GNGT2: variants seen among roughly 807,000 people sequenced by gnomAD.
GNGT2 encodes the protein guanine nucleotide-binding protein G(I)/G(S)/G(O) subunit gamma-T2.
In GNGT2, 4 loss-of-function variants were observed where a neutral mutation model predicts 3.5. That is an observed-to-expected ratio of 1.13 (90% confidence interval 0.56 to 2.59). The LOEUF is 2.59. Ranked by LOEUF, GNGT2 falls within the 30% of genes most tolerant of loss-of-function variation. The probability of loss-of-function intolerance (pLI) is 0.02; values close to 1 mark genes in which losing one functional copy is unlikely to be tolerated. For synonymous variants in GNGT2, 31 were observed against 29.5 expected (o/e 1.05, Z -0.17); for missense variants, 64 against 81.2 (o/e 0.79, Z 0.82).
At chr17:49,207,030 G>A in intron 3 of GNGT2, 148 bp from the exon 4 acceptor site, 1 of 847,410 alleles carries the variant, frequency 1.2e-6, no homozygotes, top group Non-Finnish European at 1.9e-6. Context: ...GTTCGGGGGT[G>A]TGAGTTCCTT....
Position 49,207,447 on chromosome 17 carries a change from G to A in GNGT2, c.-22-3C>T. ...TCCTGCCCTAGACAGACCTGATCCT[G>A]GAAAGGATTCAGCAGCCAGGATCAT... On this transcript the variant is annotated splice_region_variant and splice_polypyrimidine_tract_variant and intron_variant, in intron 2 of 3. Transcript: ENST00000507680. The A allele has an allele frequency of 6.6e-7, 1 of 1,515,952 alleles. No individual in the cohort carries two copies. The highest frequency in any genetic ancestry group is 9.2e-7 in the Non-Finnish European group (1 of 1,090,482). 93.9% of individuals were successfully genotyped at this position (1,515,952 alleles called of 1,614,324 possible). A position where few individuals can be genotyped will look rare whatever the true frequency, so the allele number is the denominator to read the frequency against.
chr17:49,207,648 G>C (rs564214890), intron 2 of GNGT2, among the ~76,000 whole-genome samples: 1 of 152,284 alleles, frequency 6.6e-6, no homozygotes, highest in South Asian at 2.1e-4. Context: ...GATGGGGGAG[G>C]CACCATTTTT....
intron 3 of GNGT2, 81 bp downstream of exon 3, chr17:49,207,258 C>T (rs1163228692): frequency 9.7e-7 from 1 of 1,027,796 alleles, no homozygotes; most frequent in Non-Finnish European, 1.5e-6. Flanking sequence ...ACAGTCCCAC[C>T]ACCCTTTCTG....
chr17:49,207,362 CT>C lies in GNGT2; in HGVS notation c.60del (p.Glu21LysfsTer2), dbSNP rs1174911239. The part of the protein sequence containing the change: ...LLKMEVEQLK[K>X]EVKNTRIPIS... Reference sequence around the variant, plus strand: ...ACCGGAATTCTTGTGTTTTTCACTTCTTTCTTCAGCTGCTCCACCTCCATCT... The same window carrying C: ...ACCGGAATTCTTGTGTTTTTCACTTCTTCTTCAGCTGCTCCACCTCCATCT... On this transcript the variant is annotated frameshift_variant, in exon 3 of 4. Coordinates refer to ENST00000507680, the MANE Select transcript of GNGT2 (RefSeq NM_001198754.2). LOFTEE classifies it low-confidence loss of function (END_TRUNC). The C allele has an allele frequency of 1.2e-6, 2 of 1,613,532 alleles. No homozygotes were observed. Among genetic ancestry groups the C allele is most frequent in the Non-Finnish European group, 1.7e-6 (2 of 1,179,550 alleles).
chr17:49,206,956 A>G (rs2043112276), intron 3 of GNGT2, 74 bp from the exon 4 acceptor site: 1 of 1,535,328 alleles, frequency 6.5e-7, no homozygotes, highest in African/African-American at 1.4e-5. Context: ...TGCCAGAAAA[A>G]CAGGCTTCTG....
At chr17:49,209,681 T>C (rs1042838002) in intron 1 of GNGT2, among the ~76,000 whole-genome samples, 1 of 151,920 alleles carries the variant, frequency 6.6e-6, no homozygotes, top group African/African-American at 2.4e-5. Context: ...CAATGGGAGG[T>C]CCTCTTATTC....
In GNGT2 at chr17:49,207,425, T is replaced by A. The variant is rs56203218; in HGVS notation, c.-3A>T. 15,194 of 1,601,438 alleles carry A rather than the reference T, an allele frequency of 9.5e-3. 98 individuals carry two copies. Among genetic ancestry groups the A allele is most frequent in the Non-Finnish European group, 0.011 (12,880 of 1,168,428 alleles). ...TTCTCGCTGAGATCCTGGGCCATCC[T>A]GCCCTAGACAGACCTGATCCTGGAA... On this transcript the variant is annotated 5_prime_UTR_variant, in exon 3 of 4. Transcript: ENST00000507680.
rs1357703636 is a variant in GNGT2, at chr17:49,206,528, T to C, written c.*229A>G. 22 of 500,794 alleles carry C rather than the reference T, an allele frequency of 4.4e-5. No individual in the cohort carries two copies. The Admixed American group carries it at 7.7e-4, about 18-fold the overall frequency. 31.0% of individuals were successfully genotyped at this position (500,794 alleles called of 1,614,324 possible). On this transcript the variant is annotated 3_prime_UTR_variant, in exon 4 of 4. Coordinates refer to ENST00000507680, the MANE Select transcript of GNGT2 (RefSeq NM_001198754.2). ...GGGCCAACCGCTCGGCCAGCCACAC[T>C]GTCCTCAGAGTGTTCCCAGCAAGGT... is the stretch of plus-strand genomic sequence containing the variant.
At chr17:49,209,741 C>T (rs915414020) in intron 1 of GNGT2, among the ~76,000 whole-genome samples, 10 of 152,110 alleles carry the variant, frequency 6.6e-5, no homozygotes, top group Non-Finnish European at 1.2e-4. Context: ...AGAGAGGAGG[C>T]CCGCCGTCCA....
chr17:49,210,522 G>T lies in GNGT2; in HGVS notation c.-211C>A. 1 of 504,720 alleles carries T rather than the reference G, an allele frequency of 2.0e-6. No homozygotes were observed. The highest frequency in any genetic ancestry group is 3.6e-6 in the Non-Finnish European group (1 of 280,628). 31.3% of individuals were successfully genotyped at this position (504,720 alleles called of 1,614,324 possible). On this transcript the variant is annotated 5_prime_UTR_variant, in exon 1 of 4. Coordinates refer to ENST00000507680, the MANE Select transcript of GNGT2 (RefSeq NM_001198754.2). This position sits in a 1 kb window ranked among gnomAD's most constrained non-coding sequence, Gnocchi z 4.2. ...GGCTTCCCCCTTCCTCTGGGCAGGGGACAGAGAGACACAGGCTCGGGGAGC... is the reference window on the plus strand; with the variant it reads ...GGCTTCCCCCTTCCTCTGGGCAGGGTACAGAGAGACACAGGCTCGGGGAGC...
chr17:49,206,726 G>A lies in GNGT2; in HGVS notation c.*31C>T, dbSNP rs1249602458. 3.1e-6 allele frequency: 5 copies of A among 1,597,066 alleles called. No individual in the cohort carries two copies. The highest frequency in any genetic ancestry group is 4.5e-5 in the East Asian group (2 of 44,576). Reference sequence around the variant, plus strand: ...AGGAGACTTGGGCTTGGCTGAAGAGGGACAGACACTCAGGGCAGGGCTCCA... The same window carrying A: ...AGGAGACTTGGGCTTGGCTGAAGAGAGACAGACACTCAGGGCAGGGCTCCA... On this transcript the variant is annotated 3_prime_UTR_variant, in exon 4 of 4. Transcript: ENST00000507680.
At chr17:49,209,053 A>G (rs1047768275) in intron 1 of GNGT2, 99 bp from the exon 2 acceptor site, 1 of 152,404 alleles carries the variant, frequency 6.6e-6, no homozygotes, top group African/African-American at 2.4e-5. Flanking sequence ...AGCAGAGCAG[A>G]GAGACAGACA....
At chr17:49,208,403 G>A (rs1274605473) in intron 2 of GNGT2, among the ~76,000 whole-genome samples, 2 of 151,292 alleles carry the variant, frequency 1.3e-5, no homozygotes, top group East Asian at 3.9e-4. Flanking sequence ...GGAGGTTGCA[G>A]TGAGCCGAGA....
At position 49,207,340 on chromosome 17, in the gene GNGT2, G is replaced by A. The variant is rs139070501; in HGVS notation, c.83C>T (p.Pro28Leu). 7.3e-5 allele frequency: 117 copies of A among 1,607,380 alleles called. No individual in the cohort carries two copies. The highest frequency in any genetic ancestry group is 1.5e-4 in the African/African-American group (11 of 74,782). Reference sequence around the variant, plus strand: ...CAGGGACGGGGCGAGGAGGCTCACCGGAATTCTTGTGTTTTTCACTTCTTT... The same window carrying A: ...CAGGGACGGGGCGAGGAGGCTCACCAGAATTCTTGTGTTTTTCACTTCTTT... ...LKKEVKNTRI[P>L]ISKAGKEIKE... The change falls in exon 3 of 4, where the codon CCG becomes CTG. Residue 28 changes from proline (P) to leucine (L), a missense_variant and splice_region_variant. Coordinates refer to ENST00000507680, the MANE Select transcript of GNGT2 (RefSeq NM_001198754.2).
chr17:49,206,666 GAGA>G lies in GNGT2; in HGVS notation c.*88_*90del. ...GGATCTTTACTCATTCTGTGATGAA[GAGA>G]AGGTGACAGTTCACTGGCTCCCTGG... On this transcript the variant is annotated 3_prime_UTR_variant, in exon 4 of 4. Coordinates refer to ENST00000507680, the MANE Select transcript of GNGT2 (RefSeq NM_001198754.2). 1.7e-6 allele frequency: 2 copies of G among 1,163,758 alleles called. No individual in the cohort carries two copies. The highest frequency in any genetic ancestry group is 2.5e-6 in the Non-Finnish European group (2 of 808,608). The allele number at this position is 1,163,758 out of a possible 1,614,324, so 72.1% of individuals were successfully genotyped here.
At position 49,210,509 on chromosome 17, in the gene GNGT2, C is replaced by A. The variant is rs1315210602; in HGVS notation, c.-198G>T. The A allele has an allele frequency of 4.5e-6, 2 of 449,080 alleles. No homozygotes were observed. Among genetic ancestry groups the A allele is most frequent in the Non-Finnish European group, 8.0e-6 (2 of 250,946 alleles). 27.8% of individuals were successfully genotyped at this position (449,080 alleles called of 1,614,324 possible). ...CAAATGGGCCCCTGGCTTCCCCCTTCCTCTGGGCAGGGGACAGAGAGACAC... is the reference window on the plus strand; with the variant it reads ...CAAATGGGCCCCTGGCTTCCCCCTTACTCTGGGCAGGGGACAGAGAGACAC... On this transcript the variant is annotated 5_prime_UTR_variant, in exon 1 of 4. Coordinates refer to ENST00000507680, the MANE Select transcript of GNGT2 (RefSeq NM_001198754.2). The surrounding 1 kb of genome is among the most constrained non-coding windows in gnomAD (Gnocchi z 4.2).
Position 49,206,316 on chromosome 17 carries a change from G to C in GNGT2, c.*441C>G, listed in dbSNP as rs980608620. 3.5e-5 allele frequency: 6 copies of C among 171,040 alleles called. No homozygotes were observed. Among genetic ancestry groups the C allele is most frequent in the African/African-American group, 1.4e-4 (6 of 41,614 alleles). The allele number at this position is 171,040 out of a possible 1,614,324, so 10.6% of individuals were successfully genotyped here. On this transcript the variant is annotated 3_prime_UTR_variant, in exon 4 of 4. Transcript: ENST00000507680. ...GGAACAGGACCATAGGGTAGGACAT[G>C]ATATGGAGGGACAGGACCACCCAAC...
chr17:49,207,919 A>C (rs2043120538), intron 2 of GNGT2, among the ~76,000 whole-genome samples: 1 of 152,144 alleles, frequency 6.6e-6, no homozygotes, highest in African/African-American at 2.4e-5. Flanking sequence ...TAATCCCAGC[A>C]CTTTGGGAGG....
rs371400468 is a variant in GNGT2, at chr17:49,207,380, C to T, written c.43G>A (p.Val15Met). The T allele has an allele frequency of 6.8e-6, 11 of 1,613,816 alleles. No individual in the cohort carries two copies. In the African/African-American group the frequency reaches 1.2e-4, roughly 18 times the overall value. Reference sequence around the variant, plus strand: ...TTCACTTCTTTCTTCAGCTGCTCCACCTCCATCTTCAACAGGTCCTTCTCG... The same window carrying T: ...TTCACTTCTTTCTTCAGCTGCTCCATCTCCATCTTCAACAGGTCCTTCTCG... ...LSEKDLLKME[V>M]EQLKKEVKNT... The change falls in exon 3 of 4, where the codon GTG (valine) becomes ATG (methionine). Residue 15 changes from valine to methionine, a missense_variant. By Grantham distance (21) the Val-to-Met change is conservative. Transcript: ENST00000507680.
Sources: allele counts gnomAD v4.1 joint callset (sites outside exome capture counted in the v4.1 genomes callset), GRCh38; gene constraint gnomAD v4.1.1; non-coding constraint Gnocchi (gnomAD v3.1); transcripts MANE v1.5; gene names NCBI Gene and HGNC (gene_info 2026-07-23, HGNC 2026-07-21).